RAB6A: variants seen among roughly 807,000 people sequenced by gnomAD.
RAB6A encodes ras-related protein Rab-6A.
Under a neutral mutation model 32.3 loss-of-function variants are expected in RAB6A, and 8 were observed. The ratio of observed to expected loss-of-function variants is 0.25; its 90% CI spans 0.15 to 0.45. The LOEUF is 0.45. RAB6A is among the 20% of genes least tolerant of loss of function. The pLI is 1.00. For missense variants in RAB6A, 104 were observed against 249.4 expected (o/e 0.42, Z 3.93); for synonymous variants, 73 against 82.1 (o/e 0.89, Z 0.60).
At chr11:73,712,485 G>A (rs1217213257) in intron 5 of RAB6A, among the ~76,000 whole-genome samples, 1 of 151,952 alleles carries the variant, frequency 6.6e-6, no homozygotes, top group Non-Finnish European at 1.5e-5. Context: ...TGAGGAGCTG[G>A]GATTACAGGC....
chr11:73,684,823 T>C (rs567894707), intron 6 of RAB6A, among the ~76,000 whole-genome samples: 1 of 152,356 alleles, frequency 6.6e-6, no homozygotes, highest in African/African-American at 2.4e-5. Context: ...AATGCTTATG[T>C]AGTCCAGACT....
chr11:73,760,429 C>CA, intron 1 of RAB6A, 137 bp downstream of exon 1: 1 of 1,169,088 alleles, frequency 8.6e-7, no homozygotes, highest in Non-Finnish European at 1.2e-6. Context: ...CACCGGGGGG[C>CA]ACATCGGGAA....
intron 6 of RAB6A, among the ~76,000 whole-genome samples, chr11:73,681,524 T>C (rs1482461834): frequency 1.3e-5 from 2 of 152,106 alleles, no homozygotes; most frequent in African/African-American, 4.8e-5. Flanking sequence ...TGTTTAAAAA[T>C]GTATCAGGCC....
At chr11:73,714,020 G>A (rs886254649) in intron 5 of RAB6A, among the ~76,000 whole-genome samples, 7 of 151,240 alleles carry the variant, frequency 4.6e-5, no homozygotes, top group East Asian at 1.9e-4. Context: ...GGAAAACTCC[G>A]TCACTACTAA....
chr11:73,710,349 T>C (rs201311665), intron 5 of RAB6A, among the ~76,000 whole-genome samples: 1 of 129,822 alleles, frequency 7.7e-6, no homozygotes, highest in South Asian at 2.6e-4. Flanking sequence ...CAGTTCTCAA[T>C]CATTAAGCAA....
chr11:73,708,186 T>G (rs963191616), intron 5 of RAB6A, among the ~76,000 whole-genome samples: 1 of 152,190 alleles, frequency 6.6e-6, no homozygotes, highest in Non-Finnish European at 1.5e-5. Context: ...TTTCTTTTTT[T>G]TGAGACAGTT....
At chr11:73,694,841 C>CT (rs1945631472) in intron 6 of RAB6A, among the ~76,000 whole-genome samples, 1 of 152,150 alleles carries the variant, frequency 6.6e-6, no homozygotes, top group Non-Finnish European at 1.5e-5. Context: ...CGGCAAAACT[C>CT]TATCTTTACC....
At chr11:73,681,261 T>G (rs1428061739) in intron 6 of RAB6A, among the ~76,000 whole-genome samples, 1 of 152,202 alleles carries the variant, frequency 6.6e-6, no homozygotes, top group East Asian at 1.9e-4. Context: ...TACAATGTGA[T>G]GCTACAAACA....
At chr11:73,760,146 G>C in intron 1 of RAB6A, 1 of 1,280,728 alleles carries the variant, frequency 7.8e-7, no homozygotes, top group South Asian at 1.2e-5. Context: ...CCGCTCTCGG[G>C]AGTGGGGCTT....
chr11:73,716,478 C>A, intron 4 of RAB6A, 116 bp from the exon 5 acceptor site: 1 of 621,606 alleles, frequency 1.6e-6, no homozygotes, highest in Non-Finnish European at 2.9e-6. Flanking sequence ...ACATTAGTAC[C>A]CCACTTTTAA....
At chr11:73,727,258 C>CA (rs1165434194) in intron 2 of RAB6A, among the ~76,000 whole-genome samples, 2 of 151,410 alleles carry the variant, frequency 1.3e-5, no homozygotes, top group African/African-American at 4.9e-5. Context: ...CCCATCTGTA[C>CA]AAAAAAAATT....
intron 6 of RAB6A, among the ~76,000 whole-genome samples, chr11:73,700,241 A>G (rs1382230263): frequency 6.6e-6 from 1 of 152,212 alleles, no homozygotes; most frequent in East Asian, 1.9e-4. Flanking sequence ...CCTTATCATT[A>G]TCATTTCTTC....
intron 1 of RAB6A, 107 bp downstream of exon 1, chr11:73,760,459 C>T: frequency 2.8e-6 from 4 of 1,410,978 alleles, no homozygotes; most frequent in East Asian, 2.6e-5. Flanking sequence ...TGGCAACGAG[C>T]GCGGACGCGA....
chr11:73,720,799 C>T, intron 3 of RAB6A, 47 bp downstream of exon 3: 1 of 1,426,626 alleles, frequency 7.0e-7, no homozygotes, highest in South Asian at 1.2e-5. Flanking sequence ...TTGCAGTTTT[C>T]TAACCTGGAA....
intron 2 of RAB6A, chr11:73,722,334 TA>T (rs1946151734): frequency 1.1e-4 from 1 of 9,068 alleles, no homozygotes; most frequent in African/African-American, 3.8e-4. Flanking sequence ...TATATATATA[TA>T]TATATATATT....
intron 1 of RAB6A, among the ~76,000 whole-genome samples, chr11:73,747,944 T>C (rs1455811114): frequency 1.3e-5 from 2 of 152,218 alleles, no homozygotes; most frequent in East Asian, 1.9e-4. Context: ...CTTGATCACT[T>C]GGTTATTGGT....
rs1409948040 is a variant in RAB6A, at chr11:73,712,397, C to T, written c.401+3854G>A. 2.6e-5 allele frequency among the ~76,000 whole-genome samples: 4 copies of T among 151,450 alleles called. No homozygotes were observed. The East Asian group carries it at 7.7e-4, about 29-fold the overall frequency. ...AGACAGTCTCACTCTGTTAGCCAGG[C>T]TGGAGTGCAGTGGCACAATCACAGC... On this transcript the variant is annotated intron_variant, in intron 5 of 7. Transcript: ENST00000336083.
intron 1 of RAB6A, among the ~76,000 whole-genome samples, chr11:73,740,058 C>CA (rs541239823): frequency 2.5e-4 from 29 of 116,568 alleles, no homozygotes; most frequent in South Asian, 8.8e-4. Context: ...GACTCTGTCT[C>CA]AAAAAAAAGA....
At chr11:73,687,669 A>C (rs1481522096) in intron 6 of RAB6A, among the ~76,000 whole-genome samples, 1 of 152,216 alleles carries the variant, frequency 6.6e-6, no homozygotes, top group Non-Finnish European at 1.5e-5. Context: ...CAGCCTGGCT[A>C]ACATGATGAA....
Sources: allele counts gnomAD v4.1 joint callset (sites outside exome capture counted in the v4.1 genomes callset), GRCh38; gene constraint gnomAD v4.1.1; transcripts MANE v1.5; gene names NCBI Gene and HGNC (gene_info 2026-07-23, HGNC 2026-07-21).